SLC24A2: variants seen among roughly 807,000 people sequenced by gnomAD.
The protein encoded by SLC24A2 is solute carrier family 24 member 2, also known as sodium/potassium/calcium exchanger 2.
In SLC24A2, 36 loss-of-function variants were observed where a neutral mutation model predicts 62.0. The observed-to-expected ratio is 0.58, with a 90% CI of 0.44 to 0.77. SLC24A2 has a LOEUF of 0.77. SLC24A2 is among the 30% of genes least tolerant of loss of function. SLC24A2 has a pLI of 0.00. For missense variants in SLC24A2, 846 were observed against 817.9 expected (o/e 1.03, Z -0.42); for synonymous variants, 358 against 294.0 (o/e 1.22, Z -2.23).
the SLC24A2 span, among the ~76,000 whole-genome samples, chr9:19,842,228 A>G: frequency 6.6e-6 from 1 of 152,202 alleles, no homozygotes; most frequent in East Asian, 1.9e-4. Flanking sequence ...ATCATCATGG[A>G]TTTCTGTACA....
the SLC24A2 span, among the ~76,000 whole-genome samples, chr9:20,012,940 G>A: frequency 2.7e-5 from 4 of 150,646 alleles, no homozygotes; most frequent in Admixed American, 6.6e-5. Context: ...CCATACTCAC[G>A]GATTAGAAAA....
At chr9:19,980,942 C>CTACT in the SLC24A2 span, among the ~76,000 whole-genome samples, 1 of 152,186 alleles carries the variant, frequency 6.6e-6, no homozygotes, top group African/African-American at 2.4e-5. Context: ...CAAAATACTA[C>CTACT]TCCTAATCAC....
chr9:19,873,069 T>C, the SLC24A2 span, among the ~76,000 whole-genome samples: 1 of 152,190 alleles, frequency 6.6e-6, no homozygotes, highest in African/African-American at 2.4e-5. Context: ...TGTTTGTCCC[T>C]CTGTGTTTGA....
At chr9:19,547,370 GA>G (rs2132733174) in intron 8 of SLC24A2, among the ~76,000 whole-genome samples, 1 of 152,210 alleles carries the variant, frequency 6.6e-6, no homozygotes, top group East Asian at 1.9e-4. Flanking sequence ...GTGGACTGGG[GA>G]CAGCTCTGTT....
chr9:19,612,832 C>A (rs1489238540), intron 4 of SLC24A2, among the ~76,000 whole-genome samples: 1 of 152,114 alleles, frequency 6.6e-6, no homozygotes, highest in Middle Eastern at 3.2e-3. Flanking sequence ...GGCAACATAC[C>A]AAGACCCTGT....
At position 19,516,284 on chromosome 9, in the gene SLC24A2, G is replaced by A. The variant is rs1483443674; in HGVS notation, c.1855C>T (p.Leu619Phe). Residue 619 changes from leucine to phenylalanine, a missense_variant, in exon 11 of 11, where the codon CTC becomes TTC. Physicochemically the swap from Leu to Phe is conservative, Grantham distance 22. Coordinates refer to ENST00000341998, the MANE Select transcript of SLC24A2 (RefSeq NM_020344.4). Reference protein sequence around the residue: ...LLFIMLLFVILSIALCKWRMN... With the variant: ...LLFIMLLFVIFSIALCKWRMN... ...CGCCACTTGCAGAGGGCGATAGAGAGGATGACGAAGAGCAGCATGATGAAG... is the reference window on the plus strand; with the variant it reads ...CGCCACTTGCAGAGGGCGATAGAGAAGATGACGAAGAGCAGCATGATGAAG... The A allele has an allele frequency of 6.2e-7, 1 of 1,614,178 alleles. No individual in the cohort carries two copies. The highest frequency in any genetic ancestry group is 1.7e-5 in the Admixed American group (1 of 60,020).
chr9:19,790,134 C>T (rs80175736), upstream of SLC24A2, among the ~76,000 whole-genome samples: 2 of 151,898 alleles, frequency 1.3e-5, no homozygotes, highest in East Asian at 3.9e-4. Flanking sequence ...CTGAATCTTG[C>T]TATGTTGCCC....
At chr9:20,012,101 T>G in the SLC24A2 span, among the ~76,000 whole-genome samples, 10 of 152,296 alleles carry the variant, frequency 6.6e-5, no homozygotes, top group Admixed American at 3.9e-4. Context: ...TGGTGAAAAG[T>G]TGAAAGGTTT....
the SLC24A2 span, among the ~76,000 whole-genome samples, chr9:20,075,524 G>A: frequency 1.3e-5 from 2 of 152,114 alleles, no homozygotes; most frequent in Admixed American, 1.3e-4. Flanking sequence ...TGACCCAAAG[G>A]GGCAATGTGG....
intron 4 of SLC24A2, among the ~76,000 whole-genome samples, chr9:19,615,432 C>A (rs1420221588): frequency 6.6e-6 from 1 of 152,182 alleles, no homozygotes; most frequent in Non-Finnish European, 1.5e-5. Context: ...CATGTGAATT[C>A]AAGTGATTAG....
At chr9:19,766,412 G>A (rs1822516718) in intron 2 of SLC24A2, among the ~76,000 whole-genome samples, 1 of 152,218 alleles carries the variant, frequency 6.6e-6, no homozygotes, top group African/African-American at 2.4e-5. Context: ...TACTTGCTCT[G>A]TTTTTTCCTC....
the SLC24A2 span, among the ~76,000 whole-genome samples, chr9:20,258,764 T>TTATCTATCTATCTATCTATC: frequency 7.2e-6 from 1 of 139,622 alleles, no homozygotes; most frequent in African/African-American, 2.8e-5. Context: ...CTCCTCTCAT[T>TTATCTATCTATCTATCTATC]TATCTATCTA....
chr9:19,989,821 A>C, the SLC24A2 span, among the ~76,000 whole-genome samples: 2 of 152,174 alleles, frequency 1.3e-5, no homozygotes, highest in Non-Finnish European at 2.9e-5. Context: ...TGTAACGATA[A>C]GTTCTTTCAA....
the SLC24A2 span, among the ~76,000 whole-genome samples, chr9:19,960,217 C>T: frequency 6.6e-6 from 1 of 152,094 alleles, no homozygotes; most frequent in Non-Finnish European, 1.5e-5. Flanking sequence ...ACCACACATA[C>T]GTATGTACAT....
the SLC24A2 span, among the ~76,000 whole-genome samples, chr9:20,112,536 A>G: frequency 1.1e-4 from 16 of 152,182 alleles, no homozygotes; most frequent in Admixed American, 8.5e-4. Context: ...TCCCCATATT[A>G]AAGGAAAAAT....
the SLC24A2 span, among the ~76,000 whole-genome samples, chr9:20,098,571 TAGGCCTAAGAGACCTAA>T: frequency 6.6e-6 from 1 of 152,208 alleles, no homozygotes; most frequent in Non-Finnish European, 1.5e-5. Context: ...AACTCAGCAT[TAGGCCTAAGAGACCTAA>T]AGGCCTTTGG....
the SLC24A2 span, among the ~76,000 whole-genome samples, chr9:19,863,800 A>G: frequency 6.6e-6 from 1 of 151,974 alleles, no homozygotes; most frequent in African/African-American, 2.4e-5. Flanking sequence ...AGAACTAGAA[A>G]AGGAAACCCA....
chr9:20,053,121 C>G, the SLC24A2 span, among the ~76,000 whole-genome samples: 1 of 152,156 alleles, frequency 6.6e-6, no homozygotes, highest in Non-Finnish European at 1.5e-5. Context: ...CTCTAATATT[C>G]TAGTTAGTAA....
the SLC24A2 span, among the ~76,000 whole-genome samples, chr9:19,828,964 A>T: frequency 6.6e-6 from 1 of 152,032 alleles, no homozygotes; most frequent in Non-Finnish European, 1.5e-5. Flanking sequence ...CCTAATGGAC[A>T]CCCTGCAGCC....
Sources: gnomAD v4.1 joint callset for allele counts (sites outside exome capture counted in the v4.1 genomes callset) on GRCh38, gnomAD v4.1.1 for gene constraint, MANE v1.5 for transcripts, NCBI Gene and HGNC (gene_info 2026-07-23, HGNC 2026-07-21) for gene names.